TCL1A: variants seen among roughly 807,000 people sequenced by gnomAD.
The protein encoded by TCL1A is T-cell leukemia/lymphoma protein 1A.
In TCL1A, 9 loss-of-function variants were observed where a neutral mutation model predicts 16.9. The ratio of observed to expected loss-of-function variants is 0.53; its 90% CI spans 0.32 to 0.93. TCL1A has a LOEUF of 0.93. Ranked by LOEUF, TCL1A falls within the 40% of genes least tolerant of loss-of-function variation. TCL1A has a pLI of 0.04. For synonymous variants in TCL1A, 69 were observed against 63.2 expected, an observed-to-expected ratio of 1.09 and a Z score of -0.44; for missense variants, 139 against 153.0, an observed-to-expected ratio of 0.91 and a Z score of 0.48.
chr14:95,711,505 C>G (rs1008635719), intron 3 of TCL1A: 1 of 437,064 alleles, frequency 2.3e-6, no homozygotes, highest in Non-Finnish European at 4.1e-6. Flanking sequence ...AAAGTGCCAG[C>G]TGAAACTTGT....
chr14:95,711,608 AG>A, intron 3 of TCL1A, 140 bp downstream of exon 3: 6 of 916,958 alleles, frequency 6.5e-6, no homozygotes, highest in Admixed American at 5.0e-5. Flanking sequence ...GAGTGCCTCC[AG>A]GAAGCCTCTC....
chr14:95,712,351 C>T lies in TCL1A; in HGVS notation c.166G>A (p.Val56Ile), dbSNP rs17093294. The change falls in exon 2 of 4, where the codon GTC becomes ATC. Residue 56 changes from valine to isoleucine, a missense_variant. By Grantham distance (29) the Val-to-Ile change is conservative. This residue lies in a region of TCL1A where 94 missense variants were observed against 80.2 expected (regional missense o/e 1.17). Transcript: ENST00000402399. ...GGGGTCATAGGCCTCCCCAGGACGA[C>T]GTCTTCCCGACGCAAGAGCACCCGT... is the stretch of plus-strand genomic sequence containing the variant. ...QLRVLLRRED[V>I]VLGRPMTPTQ... The T allele has an allele frequency of 0.027, 43,904 of 1,613,550 alleles. 951 individuals carry two copies. The highest frequency in any genetic ancestry group is 0.12 in the East Asian group (5,457 of 44,838).
At chr14:95,712,754 T>TTA in intron 1 of TCL1A, 1 of 1,147,678 alleles carries the variant, frequency 8.7e-7, no homozygotes, top group Non-Finnish European at 1.2e-6. Context: ...CCAGCCTGGG[T>TTA]CACAGAGCGA....
rs560011205 is a variant in TCL1A, at chr14:95,713,946, C to G, written c.120+1G>C. On this transcript the variant is annotated splice_donor_variant, in intron 1 of 3. Coordinates refer to ENST00000402399, the MANE Select transcript of TCL1A (RefSeq NM_021966.3). LOFTEE classifies it high-confidence loss of function. ...GCCATCCGCTCCAAAGCTGGCTGTA[C>G]CTCGATGGTTAAGGGCAGCCAGGCG... 4 of 1,613,440 alleles carry G rather than the reference C, an allele frequency of 2.5e-6. No individual in the cohort carries two copies. The highest frequency in any genetic ancestry group is 3.4e-6 in the Non-Finnish European group (4 of 1,180,012).
chr14:95,713,817 G>A (rs544497894), intron 1 of TCL1A, 130 bp downstream of exon 1: 4 of 1,404,594 alleles, frequency 2.8e-6, no homozygotes, highest in African/African-American at 2.9e-5. Flanking sequence ...CCGGCTCAAA[G>A]TGGCTTCATC....
chr14:95,712,362 C>T lies in TCL1A; in HGVS notation c.155G>A (p.Arg52His), dbSNP rs146705048. 6.8e-4 allele frequency: 1,102 copies of T among 1,613,408 alleles called. No individual in the cohort carries two copies. Among genetic ancestry groups the T allele is most frequent in the Non-Finnish European group, 8.8e-4 (1,037 of 1,179,494 alleles). ...CCTCCCCAGGACGACGTCTTCCCGA[C>T]GCAAGAGCACCCGTAACTGTAACCT... ...KDRLQLRVLL[R>H]REDVVLGRPM... The change falls in exon 2 of 4, where the codon CGT becomes CAT. Residue 52 changes from arginine to histidine, a missense_variant. Arg to His is a conservative substitution (Grantham distance 29, BLOSUM62 0). This residue lies in a region of TCL1A where 94 missense variants were observed against 80.2 expected (regional missense o/e 1.17). Transcript: ENST00000402399.
chr14:95,711,549 AG>A, intron 3 of TCL1A, 199 bp downstream of exon 3: 1 of 576,598 alleles, frequency 1.7e-6, no homozygotes, highest in Non-Finnish European at 3.1e-6. Flanking sequence ...GCTGCGATAA[AG>A]GGGGCTGCCT....
intron 2 of TCL1A, 137 bp from the exon 3 acceptor site, chr14:95,711,939 C>G (rs1177542268): frequency 1.2e-5 from 13 of 1,116,874 alleles, no homozygotes; most frequent in Non-Finnish European, 1.7e-5. Flanking sequence ...CTCTTGGAGA[C>G]TGCCCCTCCT....
intron 1 of TCL1A, among the ~76,000 whole-genome samples, chr14:95,713,721 C>T (rs192014637): frequency 6.6e-6 from 1 of 152,332 alleles, no homozygotes; most frequent in African/African-American, 2.4e-5. Flanking sequence ...TCCACAGGCA[C>T]TGGGTCCACC....
intron 1 of TCL1A, 33 bp downstream of exon 1, chr14:95,713,914 C>A (rs1595068103): frequency 1.9e-6 from 3 of 1,609,990 alleles, no homozygotes; most frequent in African/African-American, 1.3e-5. Context: ...GCTGCCCCTG[C>A]TGCCTCGCCA....
At chr14:95,712,039 A>AG in intron 2 of TCL1A, 181 bp downstream of exon 2, 1 of 896,216 alleles carries the variant, frequency 1.1e-6, no homozygotes, top group Non-Finnish European at 1.7e-6. Context: ...GGGTTCTGTT[A>AG]GAGACCTCAG....
In TCL1A at chr14:95,711,786, T is replaced by C; in HGVS notation, c.314A>G (p.Asp105Gly). The change falls in exon 3 of 4, where the codon GAC becomes GGC. Residue 105 changes from aspartate (D) to glycine (G), a missense_variant. By Grantham distance (94) the Asp-to-Gly change is moderately conservative (BLOSUM62 -1). Around this residue, in one of 2 missense-constraint regions of TCL1A, gnomAD observed 45 missense variants for 72.8 expected, o/e 0.62. Transcript: ENST00000402399. ...ATCTGGCAGCAGCTCGAGAAGCATG[T>C]CCTCCACGCCGTCAATCTGAGAGGC... Reference protein sequence around the residue: ...VYHIKIDGVEDMLLELLPDD With the variant: ...VYHIKIDGVEGMLLELLPDD 6.2e-7 allele frequency: 1 copy of C among 1,612,304 alleles called. No individual in the cohort carries two copies. The highest frequency in any genetic ancestry group is 8.5e-7 in the Non-Finnish European group (1 of 1,179,972).
At position 95,710,195 on chromosome 14, in the gene TCL1A, G is replaced by C. The variant is rs1365463437; in HGVS notation, c.*693C>G. On this transcript the variant is annotated 3_prime_UTR_variant, in exon 4 of 4. Coordinates refer to ENST00000402399, the MANE Select transcript of TCL1A (RefSeq NM_021966.3). Reference sequence around the variant, plus strand: ...TCCCTTTTCCACGTGGGCAAGCCAAGGGTTCTGAGGGCTCATCCACAGGGC... The same window carrying C: ...TCCCTTTTCCACGTGGGCAAGCCAACGGTTCTGAGGGCTCATCCACAGGGC... 6.6e-6 allele frequency: 1 copy of C among 152,304 alleles called. No homozygotes were observed. Among genetic ancestry groups the C allele is most frequent in the African/African-American group, 2.4e-5 (1 of 41,452 alleles). 9.4% of individuals were successfully genotyped at this position (152,304 alleles called of 1,614,324 possible). A position where few individuals can be genotyped will look rare whatever the true frequency, so the allele number is the denominator to read the frequency against.
intron 1 of TCL1A, among the ~76,000 whole-genome samples, chr14:95,713,563 T>G (rs894828487): frequency 6.6e-6 from 1 of 152,124 alleles, no homozygotes; most frequent in Non-Finnish European, 1.5e-5. Context: ...CTGTTGAGGG[T>G]TCTTTTTAAA....
In TCL1A at chr14:95,712,267, A is replaced by G; in HGVS notation, c.250T>C (p.Tyr84His). ...IMWQLYPDGR[Y>H]RSSDSSFWRL... ...CAGAAACTGGAGTCTGAGGATCGGT[A>G]TCGTCCATCAGGGTAGAGCTGCCAC... The change falls in exon 2 of 4, where the codon TAC (tyrosine) becomes CAC (histidine). Residue 84 changes from tyrosine (Y) to histidine (H), a missense_variant. Physicochemically the swap from Tyr to His is moderately conservative, Grantham distance 83. Around this residue, in one of 2 missense-constraint regions of TCL1A, gnomAD observed 45 missense variants for 72.8 expected, o/e 0.62. Coordinates refer to ENST00000402399, the MANE Select transcript of TCL1A (RefSeq NM_021966.3). The G allele has an allele frequency of 6.2e-7, 1 of 1,614,158 alleles. No homozygotes were observed. Among genetic ancestry groups the G allele is most frequent in the Non-Finnish European group, 8.5e-7 (1 of 1,180,024 alleles).
At chr14:95,711,363 G>C (rs977916289) in intron 3 of TCL1A, 1 of 154,810 alleles carries the variant, frequency 6.5e-6, no homozygotes, top group Non-Finnish European at 1.4e-5. Context: ...CAGCTACTCC[G>C]AGGGCTGAGG....
At chr14:95,711,507 G>T in intron 3 of TCL1A, 3 of 438,440 alleles carry the variant, frequency 6.8e-6, no homozygotes, top group African/African-American at 2.0e-5. Flanking sequence ...AGTGCCAGCT[G>T]AAACTTGTGA....
At chr14:95,713,611 T>G (rs1886449003) in intron 1 of TCL1A, among the ~76,000 whole-genome samples, 1 of 152,320 alleles carries the variant, frequency 6.6e-6, no homozygotes. Flanking sequence ...ATGATTCCGA[T>G]AATCGGCCAT....
At chr14:95,712,051 G>T in intron 2 of TCL1A, 169 bp downstream of exon 2, 1 of 951,188 alleles carries the variant, frequency 1.1e-6, no homozygotes, top group Non-Finnish European at 1.6e-6. Flanking sequence ...AGACCTCAGA[G>T]GATCTATCTT....
Sources: gnomAD v4.1 joint callset for allele counts (sites outside exome capture counted in the v4.1 genomes callset) on GRCh38, gnomAD v4.1.1 for gene constraint, gnomAD v4.1.1 regional missense constraint, MANE v1.5 for transcripts, NCBI Gene and HGNC (gene_info 2026-07-23, HGNC 2026-07-21) for gene names.